TRABD2B: variants seen among roughly 807,000 people sequenced by gnomAD.
The protein encoded by TRABD2B is TraB domain containing 2B, also known as metalloprotease TIKI2.
A neutral mutation model predicts 40.1 loss-of-function variants in TRABD2B; 14 were observed. The observed-to-expected ratio is 0.35, with a 90% CI of 0.23 to 0.55. The LOEUF (loss-of-function observed/expected upper bound fraction) is 0.55, where lower values mean the gene tolerates loss of function less well. Ranked by LOEUF, TRABD2B falls within the 20% of genes least tolerant of loss-of-function variation. The pLI, the probability that TRABD2B is intolerant of heterozygous loss-of-function variation, is 0.90. For synonymous variants in TRABD2B, 263 were observed against 277.0 expected (o/e 0.95, Z 0.50); for missense variants, 541 against 648.6 (o/e 0.83, Z 1.80).
At chr1:47,773,694 A>G (rs1569887179) in intron 6 of TRABD2B, among the ~76,000 whole-genome samples, 1 of 152,306 alleles carries the variant, frequency 6.6e-6, no homozygotes, top group African/African-American at 2.4e-5. Context: ...CTGTGAGTCA[A>G]TGAAACCTCT....
At chr1:47,934,304 G>T (rs867282328) in intron 2 of TRABD2B, among the ~76,000 whole-genome samples, 7 of 152,192 alleles carry the variant, frequency 4.6e-5, no homozygotes, top group African/African-American at 1.7e-4. Flanking sequence ...TGGCCCTGGA[G>T]GTGCTTTGTG....
chr1:47,946,275 T>A lies in TRABD2B; in HGVS notation c.666+47759A>T, dbSNP rs145814058. 5.5e-3 allele frequency among the ~76,000 whole-genome samples: 839 copies of A among 152,328 alleles called. 5 individuals carry two copies. The highest frequency in any genetic ancestry group is 9.3e-3 in the Non-Finnish European group (630 of 68,018). On this transcript the variant is annotated intron_variant, in intron 2 of 6. Coordinates refer to ENST00000606738, the MANE Select transcript of TRABD2B (RefSeq NM_001194986.2). ...TTTAGTTTTGAGCATTCTTTATATA[T>A]TCTAAAGACAAGTTCTTTATCAGAT...
intron 2 of TRABD2B, chr1:47,819,137 A>G (rs925766034): frequency 2.0e-5 from 3 of 152,324 alleles, no homozygotes; most frequent in African/African-American, 7.2e-5. Flanking sequence ...CTCCAATACA[A>G]TCTAGCAGGG....
At chr1:47,930,691 G>A (rs1645028683) in intron 2 of TRABD2B, among the ~76,000 whole-genome samples, 3 of 152,074 alleles carry the variant, frequency 2.0e-5, no homozygotes, top group Admixed American at 6.5e-5. Flanking sequence ...CTTATCCCGA[G>A]AAAGAACATC....
At chr1:47,789,671 C>A (rs1203335540) in intron 4 of TRABD2B, among the ~76,000 whole-genome samples, 1 of 152,160 alleles carries the variant, frequency 6.6e-6, no homozygotes, top group Admixed American at 6.5e-5. Context: ...TGATTAGAAG[C>A]CATCAGCTGA....
At chr1:47,930,662 G>T (rs1224488938) in intron 2 of TRABD2B, among the ~76,000 whole-genome samples, 1 of 152,098 alleles carries the variant, frequency 6.6e-6, no homozygotes, top group African/African-American at 2.4e-5. Context: ...TCATCCTCTG[G>T]TCTCCTCTTC....
intron 2 of TRABD2B, among the ~76,000 whole-genome samples, chr1:47,932,920 G>A (rs1443027105): frequency 6.6e-6 from 1 of 152,162 alleles, no homozygotes; most frequent in Non-Finnish European, 1.5e-5. Flanking sequence ...GGGGTTCTTG[G>A]TCCCAGAACG....
chr1:47,917,721 G>A (rs1425528782), intron 2 of TRABD2B, among the ~76,000 whole-genome samples: 1 of 151,882 alleles, frequency 6.6e-6, no homozygotes. Context: ...GTGACAGAGT[G>A]AGACACTGTC....
intron 2 of TRABD2B, chr1:47,820,169 T>C (rs1645086897): frequency 6.6e-6 from 1 of 152,206 alleles, no homozygotes; most frequent in Non-Finnish European, 1.5e-5. Flanking sequence ...GGAATGTTTG[T>C]TTTGTTCATT....
chr1:47,879,766 A>G (rs1405435556), intron 2 of TRABD2B, among the ~76,000 whole-genome samples: 2 of 152,272 alleles, frequency 1.3e-5, no homozygotes, highest in African/African-American at 2.4e-5. Flanking sequence ...CTTGTTCTTA[A>G]GGAGGCCAAG....
At position 47,959,608 on chromosome 1, in the gene TRABD2B, C is replaced by G. The variant is rs2148401645; in HGVS notation, c.666+34426G>C. ...CCTCTATGCAAATAAACTAGAAAATCTAGAAGAAATGGATAAATTCCTGGA... is the reference window on the plus strand; with the variant it reads ...CCTCTATGCAAATAAACTAGAAAATGTAGAAGAAATGGATAAATTCCTGGA... On this transcript the variant is annotated intron_variant, in intron 2 of 6. Transcript: ENST00000606738. 2.6e-5 allele frequency among the ~76,000 whole-genome samples: 4 copies of G among 152,322 alleles called. 1 individual carries two copies. Among genetic ancestry groups the G allele is most frequent in the Middle Eastern group, 6.8e-3 (2 of 294 alleles).
intron 2 of TRABD2B, among the ~76,000 whole-genome samples, chr1:47,989,061 C>T (rs560115186): frequency 6.6e-6 from 1 of 152,306 alleles, no homozygotes; most frequent in East Asian, 1.9e-4. Context: ...AGCTTGTTCA[C>T]CCTTTCCACC....
intron 2 of TRABD2B, among the ~76,000 whole-genome samples, chr1:47,865,754 C>T (rs964302315): frequency 2.6e-5 from 4 of 152,078 alleles, no homozygotes; most frequent in African/African-American, 4.8e-5. Flanking sequence ...CACATCCTTC[C>T]AATGGTGATG....
At chr1:47,820,127 C>T (rs1452155663) in intron 2 of TRABD2B, 5 of 152,280 alleles carry the variant, frequency 3.3e-5, no homozygotes, top group African/African-American at 1.2e-4. Context: ...TCACCTTCCA[C>T]AGGAAGGTAA....
intron 2 of TRABD2B, among the ~76,000 whole-genome samples, chr1:47,809,697 G>C (rs1408716092): frequency 6.6e-6 from 1 of 152,144 alleles, no homozygotes; most frequent in Non-Finnish European, 1.5e-5. Flanking sequence ...TCAGTATTCC[G>C]AGTCTCCTAG....
At chr1:47,851,772 C>T (rs1046157921) in intron 2 of TRABD2B, among the ~76,000 whole-genome samples, 2 of 152,208 alleles carry the variant, frequency 1.3e-5, no homozygotes, top group East Asian at 1.9e-4. Flanking sequence ...ATGAGCAAAT[C>T]GCACCACATG....
At chr1:47,841,354 A>G (rs1645393994) in intron 2 of TRABD2B, among the ~76,000 whole-genome samples, 1 of 152,204 alleles carries the variant, frequency 6.6e-6, no homozygotes, top group Non-Finnish European at 1.5e-5. Flanking sequence ...TGCAGCAACA[A>G]GATAAGACTC....
At chr1:47,943,346 TC>T (rs1231241347) in intron 2 of TRABD2B, among the ~76,000 whole-genome samples, 1 of 152,236 alleles carries the variant, frequency 6.6e-6, no homozygotes, top group East Asian at 1.9e-4. Flanking sequence ...TTATTGAGCT[TC>T]TACGTCCCAT....
At position 47,775,270 on chromosome 1, in the gene TRABD2B, G is replaced by C. The variant is rs571587461; in HGVS notation, c.1249C>G (p.Gln417Glu). 226 of 1,257,096 alleles carry C rather than the reference G, an allele frequency of 1.8e-4. 5 individuals are homozygous for C. In the Admixed American group the frequency reaches 7.8e-3, roughly 43 times the overall value. The allele number at this position is 1,257,096 out of a possible 1,614,324, so 77.9% of individuals were successfully genotyped here. A position where few individuals can be genotyped will look rare whatever the true frequency, so the allele number is the denominator to read the frequency against. Reference protein sequence around the residue: ...PHLLLPDSLSQLEEFGRQRKW... With the variant: ...PHLLLPDSLSELEEFGRQRKW... ...CTCTGCCGGCCAAACTCCTCCAGCT[G>C]GCTGAGGCTGTCGGGGAGCAGGAGG... The change falls in exon 6 of 7, where the codon CAG becomes GAG. Residue 417 changes from glutamine (Q) to glutamate (E), a missense_variant. Physicochemically the swap from Gln to Glu is conservative, Grantham distance 29. Transcript: ENST00000606738.
Sources: allele counts gnomAD v4.1 joint callset (sites outside exome capture counted in the v4.1 genomes callset), GRCh38; gene constraint gnomAD v4.1.1; transcripts MANE v1.5; gene names NCBI Gene and HGNC (gene_info 2026-07-23, HGNC 2026-07-21).